Variants in KCNN4 observed in about 807,000 individuals in gnomAD.
KCNN4 encodes intermediate conductance calcium-activated potassium channel protein 4.
KCNN4 carries 31 observed loss-of-function variants against 45.2 expected under a neutral mutation model. That is an observed-to-expected ratio of 0.69 (90% confidence interval 0.52 to 0.92). The LOEUF is 0.92. Ranked by LOEUF, KCNN4 falls within the 40% of genes least tolerant of loss-of-function variation. The pLI, the probability that KCNN4 is intolerant of heterozygous loss-of-function variation, is 0.00. For missense variants in KCNN4, 463 were observed against 574.0 expected, an observed-to-expected ratio of 0.81 and a Z score of 1.98; for synonymous variants, 231 against 254.6, an observed-to-expected ratio of 0.91 and a Z score of 0.88.
chr19:43,769,910 G>T lies in KCNN4; in HGVS notation c.820-81C>A. ...ACCCGCCCAACAGCCACAGACGGTA[G>T]GCACGACCATCCCCAGTTAGCAGAC... On this transcript the variant is annotated intron_variant, in intron 4 of 8. Coordinates refer to ENST00000648319, the MANE Select transcript of KCNN4 (RefSeq NM_002250.3). The surrounding 1 kb of genome is among the most constrained non-coding windows in gnomAD (Gnocchi z 4.4). 1.1e-6 allele frequency: 1 copy of T among 890,812 alleles called. No homozygotes were observed. Among genetic ancestry groups the T allele is most frequent in the South Asian group, 1.5e-5 (1 of 68,444 alleles). 55.2% of individuals were successfully genotyped at this position (890,812 alleles called of 1,614,324 possible).
intron 1 of KCNN4, among the ~76,000 whole-genome samples, chr19:43,777,193 C>T (rs1599680338): frequency 2.0e-5 from 3 of 152,140 alleles, no homozygotes; most frequent in South Asian, 4.1e-4. Context: ...TGGTGTCTAC[C>T]CTCTTCCTCA....
intron 1 of KCNN4, among the ~76,000 whole-genome samples, chr19:43,780,495 CT>C (rs1472054955): frequency 1.8e-4 from 21 of 119,250 alleles, no homozygotes; most frequent in African/African-American, 6.0e-4. Flanking sequence ...AGTCCAGGCC[CT>C]CAGTCCCTCC....
At position 43,772,087 on chromosome 19, in the gene KCNN4, G is replaced by A; in HGVS notation, c.732C>T (p.Ile244=). 6.2e-7 allele frequency: 1 copy of A among 1,613,634 alleles called. No individual in the cohort carries two copies. The highest frequency in any genetic ancestry group is 8.5e-7 in the Non-Finnish European group (1 of 1,179,822). Residue 244 remains isoleucine, a synonymous_variant, in exon 4 of 9, where the codon ATC becomes ATT. Coordinates refer to ENST00000648319, the MANE Select transcript of KCNN4 (RefSeq NM_002250.3). The surrounding 1 kb of genome is among the most constrained non-coding windows in gnomAD (Gnocchi z 4.4). The part of the protein sequence containing the change: ...TGHLSDTLWL[I]PITFLTIGYG... Reference sequence around the variant, plus strand: ...AGCCGATGGTCAGGAATGTGATGGGGATCAGCCAAAGTGTGTCTGAAAGGT... The same window carrying A: ...AGCCGATGGTCAGGAATGTGATGGGAATCAGCCAAAGTGTGTCTGAAAGGT...
intron 3 of KCNN4, among the ~76,000 whole-genome samples, chr19:43,773,769 T>C (rs1969706907): frequency 6.6e-6 from 1 of 152,108 alleles, no homozygotes; most frequent in Admixed American, 6.6e-5. Flanking sequence ...CTTCCTAGGA[T>C]CACAAAAAGC....
Position 43,774,381 on chromosome 19 carries a change from CG to C in KCNN4, c.493del (p.Arg165AlafsTer36). The C allele has an allele frequency of 6.2e-7, 1 of 1,603,496 alleles. No homozygotes were observed. Among genetic ancestry groups the C allele is most frequent in the Non-Finnish European group, 8.5e-7 (1 of 1,175,332 alleles). On this transcript the variant is annotated frameshift_variant, in exon 3 of 9. Transcript: ENST00000648319. LOFTEE classifies it high-confidence loss of function. The surrounding 1 kb of genome is among the most constrained non-coding windows in gnomAD (Gnocchi z 5.6). Reference protein sequence around the residue: ...AMLLRLYLVPRAVLLRSGVLL... With the variant: ...AMLLRLYLVPXAVLLRSGVLL... ...GACGCCGCTGCGCAGGAGCACGGCG[CG>C]GGGCACCAGGTAGAGACGCAGCAGC...
At chr19:43,767,992 AG>A (rs1234259180) in intron 7 of KCNN4, among the ~76,000 whole-genome samples, 10 of 152,208 alleles carry the variant, frequency 6.6e-5, no homozygotes, top group Non-Finnish European at 2.9e-5. Flanking sequence ...ACATGCCCAA[AG>A]CAGCTCCTGA....
In KCNN4 at chr19:43,780,704, G is replaced by A. The variant is rs201245638; in HGVS notation, c.158C>T (p.Ser53Leu). The change falls in exon 1 of 9, where the codon TCG (serine) becomes TTG (leucine). Residue 53 changes from serine (S) to leucine (L), a missense_variant and splice_region_variant. Ser to Leu is a moderately radical substitution (Grantham distance 145). Around this residue, in one of 3 missense-constraint regions of KCNN4, gnomAD observed 225 missense variants for 240.9 expected, o/e 0.93. Transcript: ENST00000648319. ...HAEMLWFGGC[S>L]WALYLFLVKC... ...TCCCAGCCACCATGCCCCACTCACCGAGCACCCCCCGAACCACAGCATCTC... is the reference window on the plus strand; with the variant it reads ...TCCCAGCCACCATGCCCCACTCACCAAGCACCCCCCGAACCACAGCATCTC... 7 of 1,546,542 alleles carry A rather than the reference G, an allele frequency of 4.5e-6. No individual in the cohort carries two copies. Among genetic ancestry groups the A allele is most frequent in the South Asian group, 3.4e-5 (3 of 89,460 alleles).
chr19:43,774,562 C>A lies in KCNN4; in HGVS notation c.313G>T (p.Ala105Ser). ...ACCAGCTCCAGCACGATCTGCGCCG[C>A]CTGCCGCCCGGTCAGCGCCACGCGC... ...DWRVALTGRQ[A>S]AQIVLELVVC... Residue 105 changes from alanine to serine, a missense_variant, in exon 3 of 9, where the codon GCG becomes TCG. Physicochemically the swap from Ala to Ser is moderately conservative, Grantham distance 99. Around this residue, in one of 3 missense-constraint regions of KCNN4, gnomAD observed 225 missense variants for 240.9 expected, o/e 0.93. Transcript: ENST00000648319. The surrounding 1 kb of genome is among the most constrained non-coding windows in gnomAD (Gnocchi z 5.6). The A allele has an allele frequency of 6.4e-7, 1 of 1,556,520 alleles. No homozygotes were observed. The highest frequency in any genetic ancestry group is 8.6e-7 in the Non-Finnish European group (1 of 1,160,292).
At chr19:43,768,239 C>T (rs889542740) in intron 7 of KCNN4, among the ~76,000 whole-genome samples, 32 of 152,266 alleles carry the variant, frequency 2.1e-4, no homozygotes, top group African/African-American at 7.2e-4. Context: ...GTCACTGAGA[C>T]CTGCCATGCG....
rs372913560 is a variant in KCNN4, at chr19:43,780,902, G to C, written c.-41C>G. On this transcript the variant is annotated 5_prime_UTR_variant, in exon 1 of 9. Transcript: ENST00000648319. ...GGGGCTCAGCCAGCTTCCTGCCCAG[G>C]GTCCCCCACCTCGCAGCACGCACAG... 3 of 1,605,440 alleles carry C rather than the reference G, an allele frequency of 1.9e-6. No homozygotes were observed. The highest frequency in any genetic ancestry group is 2.7e-5 in the African/African-American group (2 of 74,712).
Position 43,772,238 on chromosome 19 carries a change from C to T in KCNN4, c.684-103G>A. Reference sequence around the variant, plus strand: ...CTCCCATCCCCTTCCCTCTGGTTCCCTCCCTTCCCCTCCCAGTATACACCC... The same window carrying T: ...CTCCCATCCCCTTCCCTCTGGTTCCTTCCCTTCCCCTCCCAGTATACACCC... On this transcript the variant is annotated intron_variant, in intron 3 of 8. Transcript: ENST00000648319. This position sits in a 1 kb window ranked among gnomAD's most constrained non-coding sequence, Gnocchi z 4.4. 8.2e-7 allele frequency: 1 copy of T among 1,221,250 alleles called. No homozygotes were observed. The allele number at this position is 1,221,250 out of a possible 1,614,324, so 75.7% of individuals were successfully genotyped here.
In KCNN4 at chr19:43,780,812, C is replaced by T. The variant is rs148101715; in HGVS notation, c.50G>A (p.Arg17His). ...CAGAGACTTCTCCTGCTCCAGCAAGCGCTTTCGGCGTCTCAAGGCCCCCAG... is the reference window on the plus strand; with the variant it reads ...CAGAGACTTCTCCTGCTCCAGCAAGTGCTTTCGGCGTCTCAAGGCCCCCAG... ...LGLGALRRRK[R>H]LLEQEKSLAG... is the part of the protein sequence containing the mutation. Residue 17 changes from arginine (R) to histidine (H), a missense_variant, in exon 1 of 9, where the codon CGC (arginine) becomes CAC (histidine). This residue lies in a region of KCNN4 where 225 missense variants were observed against 240.9 expected (regional missense o/e 0.93). Coordinates refer to ENST00000648319, the MANE Select transcript of KCNN4 (RefSeq NM_002250.3). The T allele has an allele frequency of 2.7e-5, 43 of 1,613,914 alleles. No individual in the cohort carries two copies. Among genetic ancestry groups the T allele is most frequent in the South Asian group, 8.8e-5 (8 of 91,078 alleles).
Position 43,767,601 on chromosome 19 carries a change from A to C in KCNN4, c.1226T>G (p.Leu409Arg). 1 of 1,614,144 alleles carries C rather than the reference A, an allele frequency of 6.2e-7. No individual in the cohort carries two copies. The highest frequency in any genetic ancestry group is 8.5e-7 in the Non-Finnish European group (1 of 1,180,032). ...CCTCGGCCCCAGGGCAGTGCTAAGC[A>C]GCTCAGTCAGGGCATCCAGCTTCCC... Reference protein sequence around the residue: ...LAGKLDALTELLSTALGPRQL... With the variant: ...LAGKLDALTERLSTALGPRQL... Residue 409 changes from leucine to arginine, a missense_variant, in exon 8 of 9, where the codon CTG becomes CGG. Around this residue, in one of 3 missense-constraint regions of KCNN4, gnomAD observed 129 missense variants for 149.4 expected, o/e 0.86. Coordinates refer to ENST00000648319, the MANE Select transcript of KCNN4 (RefSeq NM_002250.3).
Position 43,772,742 on chromosome 19 carries a change from G to A in KCNN4, c.684-607C>T, listed in dbSNP as rs1472377312. Among the ~76,000 whole-genome samples, 3 of 152,266 alleles carry A rather than the reference G, an allele frequency of 2.0e-5. No homozygotes were observed. In the East Asian group the frequency reaches 5.8e-4, roughly 29 times the overall value. ...GGCCCCTTGCCGCAAGACCAGCAGG[G>A]AAAGCTTCATTCATGAGGGCCCCTG... On this transcript the variant is annotated intron_variant, in intron 3 of 8. Coordinates refer to ENST00000648319, the MANE Select transcript of KCNN4 (RefSeq NM_002250.3). This position sits in a 1 kb window ranked among gnomAD's most constrained non-coding sequence, Gnocchi z 4.4.
chr19:43,777,326 G>GTGTTTGTGTGTGTGT (rs1555725374), intron 1 of KCNN4, among the ~76,000 whole-genome samples: 1 of 141,416 alleles, frequency 7.1e-6, no homozygotes, highest in Non-Finnish European at 1.5e-5. Context: ...TGTGTGTGTG[G>GTGTTTGTGTGTGTGT]GTGTGTGTGT....
At chr19:43,776,342 G>A (rs980706115) in intron 2 of KCNN4, among the ~76,000 whole-genome samples, 199 bp downstream of exon 2, 1 of 151,790 alleles carries the variant, frequency 6.6e-6, no homozygotes, top group East Asian at 2.0e-4. Flanking sequence ...GACTACAGGG[G>A]AAGGCGGAGC....
chr19:43,773,602 G>A (rs1969702681), intron 3 of KCNN4, among the ~76,000 whole-genome samples: 1 of 152,190 alleles, frequency 6.6e-6, no homozygotes, highest in African/African-American at 2.4e-5. Flanking sequence ...ATCACACTTT[G>A]AGGACCACTG....
Position 43,769,393 on chromosome 19 carries a change from CTTGGA to C in KCNN4, c.1049+44_1049+48del. 1 of 1,467,208 alleles carries C rather than the reference CTTGGA, an allele frequency of 6.8e-7. No individual in the cohort carries two copies. Among genetic ancestry groups the C allele is most frequent in the Non-Finnish European group, 9.5e-7 (1 of 1,049,912 alleles). 90.9% of individuals were successfully genotyped at this position (1,467,208 alleles called of 1,614,324 possible). A position where few individuals can be genotyped will look rare whatever the true frequency, so the allele number is the denominator to read the frequency against. On this transcript the variant is annotated intron_variant, in intron 6 of 8. Coordinates refer to ENST00000648319, the MANE Select transcript of KCNN4 (RefSeq NM_002250.3). The surrounding 1 kb of genome is among the most constrained non-coding windows in gnomAD (Gnocchi z 4.4). ...CACACACAGCCGTGCAGAGAGGTGACTTGGACATGGGTGCACATGGACACGTGTGC... is the reference window on the plus strand; with the variant it reads ...CACACACAGCCGTGCAGAGAGGTGACCATGGGTGCACATGGACACGTGTGC...
At position 43,769,273 on chromosome 19, in the gene KCNN4, A is replaced by G; in HGVS notation, c.1049+169T>C. 1.5e-6 allele frequency: 1 copy of G among 682,018 alleles called. No individual in the cohort carries two copies. Among genetic ancestry groups the G allele is most frequent in the Non-Finnish European group, 2.6e-6 (1 of 388,928 alleles). 42.2% of individuals were successfully genotyped at this position (682,018 alleles called of 1,614,324 possible). The stretch of plus-strand genomic sequence containing the variant: ...GATATGCGGAGACAAACCAGCACAG[A>G]CACATAGAGTCATGCACGGTCAGAT... On this transcript the variant is annotated intron_variant, in intron 6 of 8. Coordinates refer to ENST00000648319, the MANE Select transcript of KCNN4 (RefSeq NM_002250.3). The surrounding 1 kb of genome is among the most constrained non-coding windows in gnomAD (Gnocchi z 4.4).
Sources: allele counts gnomAD v4.1 joint callset (sites outside exome capture counted in the v4.1 genomes callset), GRCh38; gene constraint gnomAD v4.1.1; regional missense constraint gnomAD v4.1.1; non-coding constraint Gnocchi (gnomAD v3.1); transcripts MANE v1.5; gene names NCBI Gene and HGNC (gene_info 2026-07-23, HGNC 2026-07-21).